Variants in STRN observed in about 807,000 individuals in gnomAD.
STRN encodes striatin.
A neutral mutation model predicts 96.3 loss-of-function variants in STRN; 53 were observed. The ratio of observed to expected loss-of-function variants is 0.55; its 90% CI spans 0.44 to 0.69. The LOEUF is 0.69. STRN is among the 30% of genes least tolerant of loss of function. The pLI, the probability that STRN is intolerant of heterozygous loss-of-function variation, is 0.00. For synonymous variants in STRN, 428 were observed against 355.9 expected (o/e 1.20, Z -2.28); for missense variants, 987 against 963.9 (o/e 1.02, Z -0.32).
chr2:36,872,296 G>A (rs920621976), intron 10 of STRN, among the ~76,000 whole-genome samples: 3 of 152,188 alleles, frequency 2.0e-5, no homozygotes, highest in African/African-American at 7.2e-5. Flanking sequence ...AAAGCCCATG[G>A]AGAGACCTAT....
At position 36,950,365 on chromosome 2, in the gene STRN, G is replaced by A. The variant is rs571422396; in HGVS notation, c.234+15865C>T. 3.9e-5 allele frequency among the ~76,000 whole-genome samples: 6 copies of A among 152,080 alleles called. 1 individual carries two copies. Among genetic ancestry groups the A allele is most frequent in the African/African-American group, 9.6e-5 (4 of 41,496 alleles). ...TGAGTAGCTGGGATTACAGGCACGC[G>A]CCATCACGCCCAGCTAATGTTTGTA... On this transcript the variant is annotated intron_variant, in intron 1 of 17. Coordinates refer to ENST00000263918, the MANE Select transcript of STRN (RefSeq NM_003162.4).
chr2:36,849,666 C>T (rs943622814), intron 17 of STRN, 41 bp from the exon 18 acceptor site: 11 of 1,612,300 alleles, frequency 6.8e-6, no homozygotes, highest in Non-Finnish European at 8.5e-6. Flanking sequence ...ATTACATTAA[C>T]ATGAAAATGG....
rs1668391396 is a variant in STRN at position 36,858,032 on chromosome 2, A to C, written c.1670-9T>G. 6.4e-7 allele frequency: 1 copy of C among 1,551,864 alleles called. No homozygotes were observed. The highest frequency in any genetic ancestry group is 8.7e-7 in the Non-Finnish European group (1 of 1,144,908). On this transcript the variant is annotated splice_polypyrimidine_tract_variant and intron_variant, in intron 13 of 17. Transcript: ENST00000263918. ...TCGTAAAACAGAAGGATCTATACAA[A>C]ACAGTAAAAATGCAAAATCAGGAGA...
In STRN at chr2:36,893,345, A is replaced by G. The variant is rs1052656039; in HGVS notation, c.931+553T>C. Among the ~76,000 whole-genome samples the G allele has an allele frequency of 2.0e-5, 3 of 152,192 alleles. 1 individual carries two copies. The highest frequency in any genetic ancestry group is 7.2e-5 in the African/African-American group (3 of 41,460). On this transcript the variant is annotated intron_variant, in intron 7 of 17. Transcript: ENST00000263918. The stretch of plus-strand genomic sequence containing the variant: ...AACGATTTATGCACAACATTTTTAC[A>G]GGAAAAATTAAATGACCTTTTTTTT...
At chr2:36,947,234 C>T (rs901664325) in intron 1 of STRN, among the ~76,000 whole-genome samples, 5 of 152,114 alleles carry the variant, frequency 3.3e-5, no homozygotes, top group African/African-American at 9.6e-5. Flanking sequence ...AAATAAATTC[C>T]TTAACTAGGA....
rs558319641 is a variant in STRN at position 36,855,537 on chromosome 2, A to G, written c.1838-185T>C. 3.9e-5 allele frequency among the ~76,000 whole-genome samples: 6 copies of G among 152,314 alleles called. No homozygotes were observed. In the South Asian group the frequency reaches 1.0e-3, roughly 26 times the overall value. On this transcript the variant is annotated intron_variant, in intron 14 of 17. Transcript: ENST00000263918. ...TCTTTGTAACTTTTAGCCCTAGTCT[A>G]TTTATTTCCCTTACCTGCTTAGCAG...
At chr2:36,859,401 T>C (rs1442466570) in intron 13 of STRN, among the ~76,000 whole-genome samples, 1 of 152,108 alleles carries the variant, frequency 6.6e-6, no homozygotes, top group East Asian at 1.9e-4. Context: ...ACTAGGTAAT[T>C]AGTAAGTGGG....
chr2:36,948,711 G>C (rs935651270), intron 1 of STRN, among the ~76,000 whole-genome samples: 1 of 152,050 alleles, frequency 6.6e-6, no homozygotes, highest in Admixed American at 6.6e-5. Flanking sequence ...TTTATAAGAA[G>C]CAAGTAAAAA....
chr2:36,867,157 T>G (rs1668649339), intron 12 of STRN, among the ~76,000 whole-genome samples: 1 of 152,180 alleles, frequency 6.6e-6, no homozygotes, highest in African/African-American at 2.4e-5. Flanking sequence ...CTGTGGTGGC[T>G]GGTAATATTC....
In STRN at chr2:36,966,338, C is replaced by A; in HGVS notation, c.126G>T (p.Ala42=). ...AAGDGAAAAG[A]ARAQYSLPGI... is the part of the protein sequence containing the mutation. ...CCGGGAGACTGTACTGGGCTCGGGCCGCCCCCGCCGCAGCCGCCCCGTCGC... is the reference window on the plus strand; with the variant it reads ...CCGGGAGACTGTACTGGGCTCGGGCAGCCCCCGCCGCAGCCGCCCCGTCGC... The change falls in exon 1 of 18, where the codon GCG becomes GCT. Residue 42 remains alanine (A), a synonymous_variant. Coordinates refer to ENST00000263918, the MANE Select transcript of STRN (RefSeq NM_003162.4). 1 of 1,469,406 alleles carries A rather than the reference C, an allele frequency of 6.8e-7. No individual in the cohort carries two copies. Among genetic ancestry groups the A allele is most frequent in the Non-Finnish European group, 9.0e-7 (1 of 1,111,436 alleles). 91.0% of individuals were successfully genotyped at this position (1,469,406 alleles called of 1,614,324 possible).
intron 1 of STRN, among the ~76,000 whole-genome samples, chr2:36,930,161 G>A (rs1670533581): frequency 6.6e-6 from 1 of 152,166 alleles, no homozygotes; most frequent in Non-Finnish European, 1.5e-5. Flanking sequence ...GCTAGGCGCG[G>A]TGGTTCATGC....
intron 14 of STRN, 130 bp from the exon 15 acceptor site, chr2:36,855,482 T>G (rs1668321871): frequency 5.6e-6 from 5 of 888,446 alleles, no homozygotes; most frequent in Admixed American, 3.0e-5. Context: ...AGAATAAGAA[T>G]TAGCTCATAA....
At chr2:36,874,210 G>A (rs1350638288) in intron 10 of STRN, among the ~76,000 whole-genome samples, 1 of 151,238 alleles carries the variant, frequency 6.6e-6, no homozygotes, top group African/African-American at 2.4e-5. Flanking sequence ...CTTGCAGTCA[G>A]CTAAGATCGC....
intron 1 of STRN, among the ~76,000 whole-genome samples, chr2:36,930,426 C>T (rs1325687497): frequency 6.8e-6 from 1 of 147,884 alleles, no homozygotes; most frequent in Non-Finnish European, 1.5e-5. Context: ...AGCGAGACTC[C>T]ATCTCAAAAA....
At position 36,865,491 on chromosome 2, in the gene STRN, T is replaced by C. The variant is rs144322391; in HGVS notation, c.1547+2323A>G. 2.4e-3 allele frequency among the ~76,000 whole-genome samples: 359 copies of C among 152,304 alleles called. 4 individuals are homozygous for C. The highest frequency in any genetic ancestry group is 8.4e-3 in the African/African-American group (349 of 41,578). On this transcript the variant is annotated intron_variant, in intron 12 of 17. Transcript: ENST00000263918. ...ATTTCATTCAGTTCAGCTCTGAGTT[T>C]GGTTATTTCTTGTCTTCTGCTAGCT...
rs547117686 is a variant in STRN at position 36,962,780 on chromosome 2, T to G, written c.234+3450A>C. On this transcript the variant is annotated intron_variant, in intron 1 of 17. Transcript: ENST00000263918. ...CCTTGGCCTCCCAAAGTGCTGGGGA[T>G]TACAGGTGTGAGCCACCGCGCCCGG... Among the ~76,000 whole-genome samples, 48 of 152,268 alleles carry G rather than the reference T, an allele frequency of 3.2e-4. 1 individual carries two copies. The South Asian group carries it at 3.3e-3, about 11-fold the overall frequency.
intron 12 of STRN, among the ~76,000 whole-genome samples, chr2:36,863,975 A>C (rs938459261): frequency 1.3e-5 from 2 of 152,230 alleles, no homozygotes; most frequent in Non-Finnish European, 2.9e-5. Context: ...ATTGGTGTGT[A>C]TAAATGGTAC....
chr2:36,935,797 GA>G (rs1194024931), intron 1 of STRN, among the ~76,000 whole-genome samples: 4 of 151,980 alleles, frequency 2.6e-5, no homozygotes, highest in Admixed American at 2.6e-4. Context: ...ACAGTAAATG[GA>G]AAAAAACAGG....
In STRN at chr2:36,845,923, A is replaced by G. The variant is rs1268990982; in HGVS notation, c.*3533T>C. 9.7e-5 allele frequency: 8 copies of G among 82,836 alleles called. No homozygotes were observed. Among genetic ancestry groups the G allele is most frequent in the Non-Finnish European group, 1.5e-4 (6 of 39,838 alleles). 5.1% of individuals were successfully genotyped at this position (82,836 alleles called of 1,614,324 possible). A position where few individuals can be genotyped will look rare whatever the true frequency, so the allele number is the denominator to read the frequency against. ...CACACACACGCATGCATGCACACAC[A>G]CACACACACACACACACACACACAC... is the stretch of plus-strand genomic sequence containing the variant. On this transcript the variant is annotated 3_prime_UTR_variant, in exon 18 of 18. Transcript: ENST00000263918.
Sources: gnomAD v4.1 joint callset for allele counts (sites outside exome capture counted in the v4.1 genomes callset) on GRCh38, gnomAD v4.1.1 for gene constraint, MANE v1.5 for transcripts, NCBI Gene and HGNC (gene_info 2026-07-23, HGNC 2026-07-21) for gene names.